PPP1R9A: variants seen among roughly 807,000 people sequenced by gnomAD.
PPP1R9A encodes the protein neurabin-1.
A neutral mutation model predicts 141.9 loss-of-function variants in PPP1R9A; 59 were observed. The ratio of observed to expected loss-of-function variants is 0.42; its 90% confidence interval spans 0.34 to 0.52. The LOEUF is 0.52. Ranked by LOEUF, PPP1R9A falls within the 20% of genes least tolerant of loss-of-function variation. The pLI is 0.10. For missense variants in PPP1R9A, 1,444 were observed against 1,611.9 expected, an observed-to-expected ratio of 0.90 and a Z score of 1.78; for synonymous variants, 500 against 569.7, an observed-to-expected ratio of 0.88 and a Z score of 1.74.
chr7:94,930,786 T>G (rs1794062112), intron 2 of PPP1R9A, among the ~76,000 whole-genome samples: 1 of 152,170 alleles, frequency 6.6e-6, no homozygotes. Flanking sequence ...GATAGAGACT[T>G]GCATTTATTT....
chr7:95,225,718 A>G (rs1795047834), intron 7 of PPP1R9A, among the ~76,000 whole-genome samples: 1 of 152,200 alleles, frequency 6.6e-6, no homozygotes, highest in Non-Finnish European at 1.5e-5. Flanking sequence ...TGTATTAAAG[A>G]TGCCACTGAT....
At chr7:95,212,927 G>A (rs886601389) in intron 7 of PPP1R9A, among the ~76,000 whole-genome samples, 3 of 152,072 alleles carry the variant, frequency 2.0e-5, no homozygotes, top group African/African-American at 7.2e-5. Flanking sequence ...TCTGCTGCTT[G>A]GAATCCTATT....
intron 5 of PPP1R9A, among the ~76,000 whole-genome samples, chr7:95,181,740 A>T (rs1295151288): frequency 7.4e-6 from 1 of 135,506 alleles, no homozygotes; most frequent in African/African-American, 2.8e-5. Flanking sequence ...GAATATATAT[A>T]TATTCCGTCA....
At chr7:95,154,711 A>G (rs1467701934) in intron 4 of PPP1R9A, 1 of 152,150 alleles carries the variant, frequency 6.6e-6, no homozygotes, top group Non-Finnish European at 1.5e-5. Flanking sequence ...ATGACTTCTG[A>G]GTTATAGCAA....
chr7:95,161,495 T>C (rs1830459164), intron 4 of PPP1R9A, among the ~76,000 whole-genome samples: 3 of 152,324 alleles, frequency 2.0e-5, no homozygotes, highest in Non-Finnish European at 4.4e-5. Context: ...TCAAGTCTCT[T>C]ACAGTATAGT....
intron 13 of PPP1R9A, among the ~76,000 whole-genome samples, chr7:95,268,986 A>G (rs1156656343): frequency 6.6e-6 from 1 of 152,206 alleles, no homozygotes; most frequent in Non-Finnish European, 1.5e-5. Flanking sequence ...GTGGGAAATA[A>G]TGAACGTACA....
At position 94,916,878 on chromosome 7, in the gene PPP1R9A, G is replaced by A. The variant is rs1192809253; in HGVS notation, c.1395+5370G>A. On this transcript the variant is annotated intron_variant, in intron 2 of 19. Transcript: ENST00000433360. ...CACCCAGGTTGGAGTGCAGTGGCAC[G>A]ATCTCAGCTCACTGAAACCTCCACC... is the stretch of plus-strand genomic sequence containing the variant. Among the ~76,000 whole-genome samples the A allele has an allele frequency of 2.6e-5, 4 of 152,122 alleles. No homozygotes were observed. In the East Asian group the frequency reaches 5.8e-4, roughly 22 times the overall value.
chr7:94,960,049 T>C (rs1438321861), intron 2 of PPP1R9A, among the ~76,000 whole-genome samples: 1 of 151,736 alleles, frequency 6.6e-6, no homozygotes, highest in Non-Finnish European at 1.5e-5. Flanking sequence ...TATTCATTTG[T>C]AGAATGTTGT....
intron 2 of PPP1R9A, among the ~76,000 whole-genome samples, chr7:95,105,376 T>C (rs1462869109): frequency 1.3e-5 from 2 of 152,258 alleles, no homozygotes; most frequent in Non-Finnish European, 2.9e-5. Context: ...TAACCGTGTT[T>C]GTAAACTTGT....
At chr7:94,985,362 A>G (rs1375752152) in intron 2 of PPP1R9A, among the ~76,000 whole-genome samples, 3 of 152,158 alleles carry the variant, frequency 2.0e-5, no homozygotes, top group African/African-American at 7.2e-5. Context: ...AGCTGAGTTC[A>G]AGTCCTGGAT....
rs1281549592 is a variant in PPP1R9A, at chr7:95,269,303, C to T, written c.2920C>T (p.Pro974Ser). The change falls in exon 14 of 20, where the codon CCC becomes TCC. Residue 974 changes from proline to serine, a missense_variant. Around this residue, in one of 5 missense-constraint regions of PPP1R9A, gnomAD observed 459 missense variants for 513.8 expected, o/e 0.89. Coordinates refer to ENST00000433360, the MANE Select transcript of PPP1R9A (RefSeq NM_001166160.2). ...TCCAGAATCAGATTCTGGTGTTCCACCCCTCACCCCGGTGGATAGCAATGT... is the reference window on the plus strand; with the variant it reads ...TCCAGAATCAGATTCTGGTGTTCCATCCCTCACCCCGGTGGATAGCAATGT... ...SSPESDSGVPPLTPVDSNVPF... is the reference protein window; with the variant it reads ...SSPESDSGVPSLTPVDSNVPF... 6.9e-6 allele frequency: 11 copies of T among 1,597,438 alleles called. No homozygotes were observed. The highest frequency in any genetic ancestry group is 1.3e-5 in the African/African-American group (1 of 74,810).
intron 16 of PPP1R9A, among the ~76,000 whole-genome samples, chr7:95,275,948 A>G (rs1339016459): frequency 6.6e-6 from 1 of 152,236 alleles, no homozygotes; most frequent in Non-Finnish European, 1.5e-5. Context: ...AGGAAAATAA[A>G]GGTAAATCTG....
intron 2 of PPP1R9A, among the ~76,000 whole-genome samples, chr7:95,103,012 A>AT (rs1818993558): frequency 6.6e-6 from 1 of 152,156 alleles, no homozygotes; most frequent in South Asian, 2.1e-4. Flanking sequence ...GCCTCATCAA[A>AT]TTCATTGAAG....
At chr7:95,080,526 A>G (rs1172839411) in intron 2 of PPP1R9A, among the ~76,000 whole-genome samples, 7 of 152,200 alleles carry the variant, frequency 4.6e-5, no homozygotes, top group African/African-American at 1.7e-4. Flanking sequence ...AAGGTAATTT[A>G]TAGATTCAAT....
chr7:95,111,190 C>T, intron 2 of PPP1R9A, 69 bp from the exon 3 acceptor site: 1 of 1,413,054 alleles, frequency 7.1e-7, no homozygotes, highest in South Asian at 1.4e-5. Flanking sequence ...TTTAAACTTA[C>T]ATAGTTTTGG....
chr7:95,011,389 A>G (rs756350198), intron 2 of PPP1R9A, among the ~76,000 whole-genome samples: 3 of 152,160 alleles, frequency 2.0e-5, no homozygotes, highest in Non-Finnish European at 4.4e-5. Flanking sequence ...AGGGGGAAAT[A>G]ATGATGCTAT....
intron 2 of PPP1R9A, among the ~76,000 whole-genome samples, chr7:95,045,285 T>C (rs1005883323): frequency 2.0e-5 from 3 of 152,178 alleles, no homozygotes; most frequent in African/African-American, 4.8e-5. Context: ...CAAAGGAAAG[T>C]ACACTTGGAA....
chr7:95,103,611 G>C (rs1038443000), intron 2 of PPP1R9A, among the ~76,000 whole-genome samples: 2 of 151,906 alleles, frequency 1.3e-5, no homozygotes, highest in African/African-American at 4.8e-5. Flanking sequence ...CTGGTGATCC[G>C]CCTGCCTCGG....
At chr7:94,984,539 T>C (rs1434353307) in intron 2 of PPP1R9A, among the ~76,000 whole-genome samples, 1 of 152,216 alleles carries the variant, frequency 6.6e-6, no homozygotes, top group East Asian at 1.9e-4. Context: ...GAGATTCAGC[T>C]TCTTCCTTGT....
Sources: gnomAD v4.1 joint callset for allele counts (sites outside exome capture counted in the v4.1 genomes callset) on GRCh38, gnomAD v4.1.1 for gene constraint, gnomAD v4.1.1 regional missense constraint, MANE v1.5 for transcripts, NCBI Gene and HGNC (gene_info 2026-07-23, HGNC 2026-07-21) for gene names.